ATP10A: variants seen among roughly 807,000 people sequenced by gnomAD.
The protein encoded by ATP10A is phospholipid-transporting ATPase VA.
In ATP10A, 111 loss-of-function variants were observed where a neutral mutation model predicts 147.8. That is an observed-to-expected ratio of 0.75 (90% confidence interval 0.64 to 0.88). ATP10A has a LOEUF of 0.88. Among genes scored for constraint, ATP10A ranks in the 40% least tolerant of loss-of-function variants. The pLI, the probability that ATP10A is intolerant of heterozygous loss-of-function variation, is 0.00. For missense variants in ATP10A, 1,927 were observed against 1,959.0 expected, an observed-to-expected ratio of 0.98 and a Z score of 0.31; for synonymous variants, 875 against 841.6, an observed-to-expected ratio of 1.04 and a Z score of -0.69.
intron 19 of ATP10A, 123 bp downstream of exon 19, chr15:25,680,687 A>C: frequency 1.1e-6 from 1 of 891,510 alleles, no homozygotes. Context: ...CATCACACTG[A>C]GGTCAGCTTT....
chr15:25,726,923 G>GGTA (rs1369743005), intron 4 of ATP10A, among the ~76,000 whole-genome samples: 6 of 151,026 alleles, frequency 4.0e-5, no homozygotes, highest in Non-Finnish European at 8.9e-5. Flanking sequence ...AGCCGGGCGT[G>GGTA]GCGGGCGCCT....
At chr15:25,703,673 G>A (rs1246231815) in intron 12 of ATP10A, among the ~76,000 whole-genome samples, 1 of 152,190 alleles carries the variant, frequency 6.6e-6, no homozygotes, top group Non-Finnish European at 1.5e-5. Context: ...ACACACAAGT[G>A]TACATTTCTT....
rs182999535 is a variant in ATP10A at position 25,788,287 on chromosome 15, C to T, written c.450-7064G>A. Among the ~76,000 whole-genome samples, 7 of 152,376 alleles carry T rather than the reference C, an allele frequency of 4.6e-5. No individual in the cohort carries two copies. The East Asian group carries it at 1.3e-3, about 29-fold the overall frequency. On this transcript the variant is annotated intron_variant, in intron 1 of 20. Coordinates refer to ENST00000555815, the MANE Select transcript of ATP10A (RefSeq NM_024490.4). ...GGGTCACAAAGCCACGGTGCACACA[C>T]AGTCTCAAGTGCATTGATGACTCAT... is the stretch of plus-strand genomic sequence containing the variant.
chr15:25,859,017 G>A (rs1438462576), intron 1 of ATP10A, among the ~76,000 whole-genome samples: 4 of 152,198 alleles, frequency 2.6e-5, no homozygotes, highest in Non-Finnish European at 4.4e-5. Flanking sequence ...CTCCAGGTCT[G>A]CTGATTTAAG....
intron 1 of ATP10A, among the ~76,000 whole-genome samples, chr15:25,794,255 C>G (rs1890562417): frequency 6.6e-6 from 1 of 152,158 alleles, no homozygotes; most frequent in Non-Finnish European, 1.5e-5. Flanking sequence ...AAAGCACTCA[C>G]CCTCCGATCA....
At chr15:25,798,867 C>T (rs751538625) in intron 1 of ATP10A, among the ~76,000 whole-genome samples, 1 of 152,016 alleles carries the variant, frequency 6.6e-6, no homozygotes, top group Admixed American at 6.6e-5. Flanking sequence ...CTCCCGCATC[C>T]ACCAGCCCGG....
At chr15:25,751,087 T>C (rs1888133560) in intron 2 of ATP10A, among the ~76,000 whole-genome samples, 1 of 152,018 alleles carries the variant, frequency 6.6e-6, no homozygotes, top group African/African-American at 2.4e-5. Context: ...TCTTGCTGTC[T>C]AAAAAAATGC....
chr15:25,852,499 A>C (rs1302417316), intron 1 of ATP10A, among the ~76,000 whole-genome samples: 3 of 152,052 alleles, frequency 2.0e-5, no homozygotes, highest in Admixed American at 2.0e-4. Context: ...GCGTCTCTCT[A>C]ACCGCCCCCC....
chr15:25,779,287 T>A (rs952284936), intron 2 of ATP10A, among the ~76,000 whole-genome samples: 1 of 152,220 alleles, frequency 6.6e-6, no homozygotes, highest in African/African-American at 2.4e-5. Flanking sequence ...TGCTGTATTT[T>A]CCACCTTGTC....
intron 10 of ATP10A, among the ~76,000 whole-genome samples, chr15:25,711,499 T>C (rs1901418480): frequency 6.6e-6 from 1 of 152,108 alleles, no homozygotes. Flanking sequence ...GTAGTCGTTC[T>C]CTTGGGAAAC....
At chr15:25,847,741 C>T (rs1022554428) in intron 1 of ATP10A, among the ~76,000 whole-genome samples, 3 of 145,176 alleles carry the variant, frequency 2.1e-5, no homozygotes, top group African/African-American at 7.5e-5. Context: ...TGTGCTCAAA[C>T]AATCTCAGCC....
rs1174431746 is a variant in ATP10A, at chr15:25,681,133, C to T, written c.3493-59G>A. On this transcript the variant is annotated intron_variant, in intron 17 of 20. Coordinates refer to ENST00000555815, the MANE Select transcript of ATP10A (RefSeq NM_024490.4). ...GAAGCATTGGCATCCTCTGTGAAAG[C>T]AGTTAGAATAAAAATGGAGTCACTT... The T allele has an allele frequency of 2.6e-6, 4 of 1,534,022 alleles. No individual in the cohort carries two copies. In the African/African-American group the frequency reaches 4.2e-5, roughly 16 times the overall value.
At chr15:25,802,010 G>A (rs185404834) in intron 1 of ATP10A, among the ~76,000 whole-genome samples, 1 of 152,298 alleles carries the variant, frequency 6.6e-6, no homozygotes, top group South Asian at 2.1e-4. Flanking sequence ...TGCAGGACAA[G>A]GGCATGTGGC....
At chr15:25,789,097 G>A (rs1890296746) in intron 1 of ATP10A, among the ~76,000 whole-genome samples, 1 of 152,000 alleles carries the variant, frequency 6.6e-6, no homozygotes, top group Non-Finnish European at 1.5e-5. Flanking sequence ...TAGCTGGGAC[G>A]ACAGGTGTGC....
chr15:25,804,246 T>A (rs569359191), intron 1 of ATP10A, among the ~76,000 whole-genome samples: 2 of 151,678 alleles, frequency 1.3e-5, no homozygotes, highest in South Asian at 4.2e-4. Flanking sequence ...GATGTGTGTG[T>A]CTATGTGCAT....
At chr15:25,721,380 C>T (rs1902212359) in intron 7 of ATP10A, among the ~76,000 whole-genome samples, 1 of 152,170 alleles carries the variant, frequency 6.6e-6, no homozygotes, top group East Asian at 1.9e-4. Flanking sequence ...TTGCGGGTGG[C>T]TTGCCTGATT....
chr15:25,672,999 G>C (rs772198245), downstream of ATP10A, among the ~76,000 whole-genome samples: 1 of 152,116 alleles, frequency 6.6e-6, no homozygotes, highest in Admixed American at 6.5e-5. Context: ...CATCCCAAGC[G>C]TAACATCCTG....
chr15:25,683,403 G>A lies in ATP10A; in HGVS notation c.3375C>T (p.Phe1125=), dbSNP rs1016426297. The change falls in exon 17 of 21, where the codon TTC becomes TTT. Residue 1125 remains phenylalanine, a synonymous_variant. Transcript: ENST00000555815. The stretch of plus-strand genomic sequence containing the variant: ...GAAGTGACGAGAAGAGCAGATTAAA[G>A]AAGATTAGATACCACTGGTCAATCA... ...STMIDQWYLI[F]FNLLFSSLPP... is the part of the protein sequence containing the mutation. The A allele has an allele frequency of 3.1e-6, 5 of 1,614,120 alleles. No homozygotes were observed. The highest frequency in any genetic ancestry group is 4.2e-6 in the Non-Finnish European group (5 of 1,180,018).
intron 1 of ATP10A, among the ~76,000 whole-genome samples, chr15:25,813,438 T>C (rs548569645): frequency 1.3e-5 from 2 of 152,328 alleles, no homozygotes; most frequent in South Asian, 4.1e-4. Context: ...AATATTTATA[T>C]GAACATAAAA....
Sources: gnomAD v4.1 joint callset for allele counts (sites outside exome capture counted in the v4.1 genomes callset) on GRCh38, gnomAD v4.1.1 for gene constraint, MANE v1.5 for transcripts, NCBI Gene and HGNC (gene_info 2026-07-23, HGNC 2026-07-21) for gene names.